The following STK3 variants were observed in gnomAD, a reference collection of about 807,000 sequenced individuals.
STK3 encodes the protein serine/threonine kinase 3.
Under a neutral mutation model 58.0 loss-of-function variants are expected in STK3, and 41 were observed. The observed-to-expected ratio is 0.71, with a 90% CI of 0.55 to 0.92. The LOEUF (loss-of-function observed/expected upper bound fraction) is 0.92, where lower values mean the gene tolerates loss of function less well. Ranked by LOEUF, STK3 falls within the 40% of genes least tolerant of loss-of-function variation. The pLI is 0.00. For synonymous variants in STK3, 170 were observed against 191.0 expected (o/e 0.89, Z 0.91); for missense variants, 479 against 602.7 (o/e 0.79, Z 2.15).
chr8:98,767,250 A>G lies in STK3; in HGVS notation c.229T>C (p.Cys77Arg). Residue 77 changes from cysteine (C) to arginine (R), a missense_variant, in exon 3 of 11, where the codon TGT becomes CGT. Coordinates refer to ENST00000419617, the MANE Select transcript of STK3 (RefSeq NM_006281.4). ...AATAAAATCTCTTCATACCTGTCACATTGCTGCATTATGGAAATTTCTTTG... is the reference window on the plus strand; with the variant it reads ...AATAAAATCTCTTCATACCTGTCACGTTGCTGCATTATGGAAATTTCTTTG... ...IIKEISIMQQ[C>R]DSPYVVKYYG... 1 of 1,605,714 alleles carries G rather than the reference A, an allele frequency of 6.2e-7. No individual in the cohort carries two copies. The highest frequency in any genetic ancestry group is 8.5e-7 in the Non-Finnish European group (1 of 1,178,004).
At chr8:98,926,498 G>T (rs72668455) in intron 1 of STK3, among the ~76,000 whole-genome samples, 163 of 152,046 alleles carry the variant, frequency 1.1e-3, no homozygotes, top group African/African-American at 3.8e-3. Context: ...TTAGTGCCCT[G>T]GGCTAAGACA....
intron 8 of STK3, among the ~76,000 whole-genome samples, chr8:98,559,168 T>G (rs1811820251): frequency 6.6e-6 from 1 of 152,202 alleles, no homozygotes; most frequent in African/African-American, 2.4e-5. Flanking sequence ...TGGCTGGCAC[T>G]ATCCTTAATG....
chr8:98,467,575 T>C (rs1379512876), intron 10 of STK3, among the ~76,000 whole-genome samples: 4 of 151,020 alleles, frequency 2.6e-5, no homozygotes, highest in South Asian at 4.3e-4. Flanking sequence ...TGTGTGTGTG[T>C]GGCATCAAGT....
At chr8:98,632,709 A>G (rs987447623) in intron 6 of STK3, among the ~76,000 whole-genome samples, 2 of 152,218 alleles carry the variant, frequency 1.3e-5, no homozygotes, top group African/African-American at 4.8e-5. Flanking sequence ...TATAAAATGA[A>G]TTATTTTAAA....
chr8:98,693,542 A>C (rs986228600), intron 6 of STK3, among the ~76,000 whole-genome samples: 3 of 152,160 alleles, frequency 2.0e-5, no homozygotes, highest in African/African-American at 7.2e-5. Context: ...AAAATAGATT[A>C]TCCTGTAGAG....
intron 1 of STK3, among the ~76,000 whole-genome samples, chr8:98,785,988 G>A (rs1423142322): frequency 6.6e-6 from 1 of 152,074 alleles, no homozygotes; most frequent in Non-Finnish European, 1.5e-5. Flanking sequence ...CACCACAGAA[G>A]GATCACACTA....
intron 4 of STK3, among the ~76,000 whole-genome samples, chr8:98,745,522 TA>T (rs1261940692): frequency 1.3e-5 from 2 of 152,104 alleles, no homozygotes; most frequent in African/African-American, 2.4e-5. Flanking sequence ...ATGTTAAGGC[TA>T]ATGAAGACAC....
chr8:98,923,852 TGTGC>T (rs1415745044), intron 1 of STK3, among the ~76,000 whole-genome samples: 13 of 128,296 alleles, frequency 1.0e-4, no homozygotes, highest in Non-Finnish European at 1.7e-4. Flanking sequence ...TGTGTGTGTG[TGTGC>T]GCGCGCGCGC....
chr8:98,528,370 T>C (rs1216393811), intron 9 of STK3, among the ~76,000 whole-genome samples: 1 of 152,168 alleles, frequency 6.6e-6, no homozygotes, highest in Non-Finnish European at 1.5e-5. Flanking sequence ...TTGGTCTTGA[T>C]CAGTGGTTTT....
At chr8:98,923,538 A>C (rs1432090297) in intron 1 of STK3, among the ~76,000 whole-genome samples, 1 of 152,222 alleles carries the variant, frequency 6.6e-6, no homozygotes, top group Non-Finnish European at 1.5e-5. Context: ...ACAAACAAAC[A>C]AACCTAAACC....
rs576215132 is a variant in STK3, at chr8:98,581,086, C to T, written c.823-1297G>A. Among the ~76,000 whole-genome samples the T allele has an allele frequency of 3.3e-5, 5 of 152,316 alleles. No individual in the cohort carries two copies. In the South Asian group the frequency reaches 1.0e-3, roughly 32 times the overall value. On this transcript the variant is annotated intron_variant, in intron 7 of 10. Coordinates refer to ENST00000419617, the MANE Select transcript of STK3 (RefSeq NM_006281.4). ...TGTGGTTGGACCGACAATTGCCCAACTGGATCCTACGTTTCTCAACTTAAC... is the reference window on the plus strand; with the variant it reads ...TGTGGTTGGACCGACAATTGCCCAATTGGATCCTACGTTTCTCAACTTAAC...
downstream of STK3, chr8:98,882,831 T>C (rs563744752): frequency 1.3e-5 from 2 of 152,348 alleles, no homozygotes; most frequent in Non-Finnish European, 1.5e-5. Context: ...CAATTATCAT[T>C]ACTCCTACCA....
intron 10 of STK3, among the ~76,000 whole-genome samples, chr8:98,459,206 C>A (rs1819742512): frequency 6.6e-6 from 1 of 152,218 alleles, no homozygotes; most frequent in Admixed American, 6.5e-5. Flanking sequence ...GAGCAAAGAT[C>A]ACTCTTGCTA....
chr8:98,347,129 A>T, the STK3 span, among the ~76,000 whole-genome samples: 1 of 151,916 alleles, frequency 6.6e-6, no homozygotes, highest in African/African-American at 2.4e-5. Flanking sequence ...TTAGAGATGT[A>T]TATTATAAAC....
rs183068144 is a variant in STK3, at chr8:98,585,974, T to C, written c.823-6185A>G. On this transcript the variant is annotated intron_variant, in intron 7 of 10. Coordinates refer to ENST00000419617, the MANE Select transcript of STK3 (RefSeq NM_006281.4). ...ATCCTGAAACTTTGCTGAAGTTGCT[T>C]ATCAGCTTAAGGAGATTTTGGGCTA... Among the ~76,000 whole-genome samples the C allele has an allele frequency of 9.0e-3, 1,365 of 152,318 alleles. 18 individuals carry two copies. Among genetic ancestry groups the C allele is most frequent in the Non-Finnish European group, 0.013 (869 of 68,036 alleles).
At chr8:98,359,832 G>A in the STK3 span, among the ~76,000 whole-genome samples, 1 of 152,116 alleles carries the variant, frequency 6.6e-6, no homozygotes, top group African/African-American at 2.4e-5. Flanking sequence ...TCTTGGTCTT[G>A]CCCTTTCTGC....
intron 3 of STK3, among the ~76,000 whole-genome samples, chr8:98,874,105 T>G (rs576790931): frequency 8.1e-4 from 124 of 152,350 alleles, no homozygotes; most frequent in African/African-American, 2.6e-3. Flanking sequence ...CTTATGAAGC[T>G]TAGTTCAGCT....
intron 6 of STK3, among the ~76,000 whole-genome samples, chr8:98,667,897 T>C (rs1384352663): frequency 6.6e-6 from 1 of 152,058 alleles, no homozygotes; most frequent in East Asian, 1.9e-4. Context: ...ACTTGGTTTC[T>C]ACCATTAAAT....
intron 1 of STK3, among the ~76,000 whole-genome samples, chr8:98,447,987 A>AATAAG (rs1438019056): frequency 1.5e-5 from 2 of 131,800 alleles, no homozygotes; most frequent in East Asian, 4.3e-4. Context: ...ATAATAATAA[A>AATAAG]GCAATATAAA....
Sources: gnomAD v4.1 joint callset for allele counts (sites outside exome capture counted in the v4.1 genomes callset) on GRCh38, gnomAD v4.1.1 for gene constraint, MANE v1.5 for transcripts, NCBI Gene and HGNC (gene_info 2026-07-23, HGNC 2026-07-21) for gene names.